VPS37A: variants seen among roughly 807,000 people sequenced by gnomAD.
VPS37A encodes the protein VPS37A subunit of ESCRT-I, also known as vacuolar protein sorting-associated protein 37A.
VPS37A carries 30 observed loss-of-function variants against 49.8 expected under a neutral mutation model. The observed-to-expected ratio is 0.60, with a 90% CI of 0.45 to 0.82. The LOEUF is 0.82. VPS37A is among the 40% of genes least tolerant of loss of function. The pLI, the probability that VPS37A is intolerant of heterozygous loss-of-function variation, is 0.00. For synonymous variants in VPS37A, 195 were observed against 160.6 expected, an observed-to-expected ratio of 1.21 and a Z score of -1.62; for missense variants, 593 against 464.4, an observed-to-expected ratio of 1.28 and a Z score of -2.55.
At chr8:17,286,234 C>A in intron 10 of VPS37A, 113 bp from the exon 11 acceptor site, 1 of 814,672 alleles carries the variant, frequency 1.2e-6, no homozygotes, top group South Asian at 1.8e-5. Flanking sequence ...CTTCAACATT[C>A]AAAACATAAA....
chr8:17,300,791 C>T, downstream of VPS37A, among the ~76,000 whole-genome samples: 1 of 152,212 alleles, frequency 6.6e-6, no homozygotes. Context: ...CCCCACAGCC[C>T]CTGGCTACTA....
intron 1 of VPS37A, among the ~76,000 whole-genome samples, chr8:17,261,910 C>T (rs1455758645): frequency 1.3e-5 from 2 of 152,168 alleles, no homozygotes; most frequent in African/African-American, 4.8e-5. Context: ...AGTCTTGCCT[C>T]TCCCCTTTGT....
chr8:17,313,894 T>C, the VPS37A span, among the ~76,000 whole-genome samples: 1 of 152,140 alleles, frequency 6.6e-6, no homozygotes, highest in Non-Finnish European at 1.5e-5. Context: ...TAAATGAAAA[T>C]GATCAAACTC....
rs1384099071 is a variant in VPS37A at position 17,284,547 on chromosome 8, T to C, written c.1044T>C (p.Ile348=). 6.3e-7 allele frequency: 1 copy of C among 1,599,982 alleles called. No individual in the cohort carries two copies. The highest frequency in any genetic ancestry group is 2.3e-5 in the East Asian group (1 of 43,642). Residue 348 remains isoleucine, a synonymous_variant, in exon 10 of 12, where the codon ATT becomes ATC. Transcript: ENST00000324849. The part of the protein sequence containing the change: ...AHEAEEESDN[I]AEDFLEGKME... ...AAGCTGAGGAAGAATCTGATAATAT[T>C]GCAGAAGACTTCTTGGAGGGAAAGA...
chr8:17,279,798 C>A (rs771687304), intron 6 of VPS37A: 5 of 589,542 alleles, frequency 8.5e-6, no homozygotes, highest in South Asian at 1.5e-5. Flanking sequence ...ATCCATTGGA[C>A]CAAAATTTAC....
intron 4 of VPS37A, 21 bp from the exon 5 acceptor site, chr8:17,274,712 A>T: frequency 2.5e-6 from 4 of 1,578,710 alleles, no homozygotes; most frequent in Non-Finnish European, 3.5e-6. Context: ...TAATGTAATG[A>T]TCTTCTCTTT....
chr8:17,277,043 C>G (rs1814579504), intron 6 of VPS37A, among the ~76,000 whole-genome samples: 1 of 152,076 alleles, frequency 6.6e-6, no homozygotes, highest in African/African-American at 2.4e-5. Context: ...ATTGAGAGTT[C>G]ATGATACTCA....
At chr8:17,317,143 G>T in the VPS37A span, among the ~76,000 whole-genome samples, 5 of 152,142 alleles carry the variant, frequency 3.3e-5, no homozygotes, top group African/African-American at 9.7e-5. Flanking sequence ...TGTGTGTTGT[G>T]GGGGTGTGGT....
At chr8:17,284,695 T>C (rs1815420677) in intron 10 of VPS37A, 79 bp downstream of exon 10, 3 of 1,450,864 alleles carry the variant, frequency 2.1e-6, no homozygotes, top group Non-Finnish European at 2.8e-6. Context: ...CACTGGGTGT[T>C]AGCTATTTCT....
the VPS37A span, among the ~76,000 whole-genome samples, chr8:17,318,849 G>A: frequency 1.3e-5 from 2 of 152,180 alleles, no homozygotes; most frequent in African/African-American, 4.8e-5. Flanking sequence ...TCCAGCCCCT[G>A]CTGCAGGCCT....
At chr8:17,304,974 G>C (rs1353553637), downstream of VPS37A, among the ~76,000 whole-genome samples, 1 of 152,094 alleles carries the variant, frequency 6.6e-6, no homozygotes, top group Admixed American at 6.6e-5. Context: ...AAGTGGAAAA[G>C]CCATATTCAG....
intron 11 of VPS37A, among the ~76,000 whole-genome samples, chr8:17,294,015 A>C (rs912072180): frequency 3.9e-5 from 6 of 152,178 alleles, no homozygotes; most frequent in African/African-American, 1.2e-4. Context: ...CAGAGCCGGC[A>C]GGCAGGAACG....
chr8:17,315,100 C>T, the VPS37A span, among the ~76,000 whole-genome samples: 1 of 152,122 alleles, frequency 6.6e-6, no homozygotes, highest in South Asian at 2.1e-4. Context: ...AAAAGTTATA[C>T]AATATTTAAA....
the VPS37A span, among the ~76,000 whole-genome samples, chr8:17,312,764 A>G: frequency 6.6e-6 from 1 of 152,140 alleles, no homozygotes; most frequent in Non-Finnish European, 1.5e-5. Context: ...GCATCAGGGA[A>G]GATATGGTTC....
At chr8:17,292,085 A>G (rs1473891387) in intron 11 of VPS37A, among the ~76,000 whole-genome samples, 1 of 152,096 alleles carries the variant, frequency 6.6e-6, no homozygotes, top group Non-Finnish European at 1.5e-5. Flanking sequence ...GTCTCCCACT[A>G]TTATTGTGTG....
the VPS37A span, among the ~76,000 whole-genome samples, chr8:17,329,730 C>A: frequency 6.6e-6 from 1 of 152,286 alleles, no homozygotes; most frequent in South Asian, 2.1e-4. Flanking sequence ...ACCAAGGAGT[C>A]CAATTTTTCA....
downstream of VPS37A, among the ~76,000 whole-genome samples, chr8:17,300,741 A>T (rs1322815427): frequency 1.3e-5 from 2 of 152,218 alleles, no homozygotes; most frequent in African/African-American, 4.8e-5. Flanking sequence ...TGCCGAAAGA[A>T]AACCCCATAC....
the VPS37A span, among the ~76,000 whole-genome samples, chr8:17,326,153 C>T: frequency 7.9e-5 from 12 of 152,260 alleles, no homozygotes; most frequent in East Asian, 1.7e-3. Context: ...CAACCCACTA[C>T]CTCGAGAGGC....
At chr8:17,311,568 C>T in the VPS37A span, 3 of 1,614,176 alleles carry the variant, frequency 1.9e-6, no homozygotes, top group Non-Finnish European at 2.5e-6. Context: ...CCACCGAGCA[C>T]ACCTGAGCGG....
Sources: gnomAD v4.1 joint callset for allele counts (sites outside exome capture counted in the v4.1 genomes callset) on GRCh38, gnomAD v4.1.1 for gene constraint, MANE v1.5 for transcripts, NCBI Gene and HGNC (gene_info 2026-07-23, HGNC 2026-07-21) for gene names.